PLPPR1: variants seen among roughly 807,000 people sequenced by gnomAD.
PLPPR1 encodes the protein phospholipid phosphatase related 1, also known as phospholipid phosphatase-related protein type 1.
Under a neutral mutation model 33.1 loss-of-function variants are expected in PLPPR1, and 10 were observed. The observed-to-expected ratio is 0.30, with a 90% CI of 0.19 to 0.51. PLPPR1 has a LOEUF of 0.51. Ranked by LOEUF, PLPPR1 falls within the 20% of genes least tolerant of loss-of-function variation. The pLI is 0.97. For synonymous variants in PLPPR1, 151 were observed against 151.0 expected (o/e 1.00, Z 0.00); for missense variants, 304 against 408.1 (o/e 0.74, Z 2.20).
intron 1 of PLPPR1, among the ~76,000 whole-genome samples, chr9:101,034,275 A>G (rs888538184): frequency 2.0e-5 from 3 of 152,090 alleles, no homozygotes; most frequent in African/African-American, 4.8e-5. Context: ...AGAGCATGCA[A>G]AGATATATTT....
chr9:101,317,393 G>A lies in PLPPR1; in HGVS notation c.842G>A (p.Gly281Glu), dbSNP rs1324816491. 1.9e-6 allele frequency: 3 copies of A among 1,613,872 alleles called. No individual in the cohort carries two copies. The African/African-American group carries it at 4.0e-5, about 22-fold the overall frequency. ...LGMCVVHNFK[G>E]TQGSPSKPKP... ...ATGTGTGTGGTTCATAACTTTAAAGGAACGCAAGGATCTCCTTCCAAACCC... is the reference window on the plus strand; with the variant it reads ...ATGTGTGTGGTTCATAACTTTAAAGAAACGCAAGGATCTCCTTCCAAACCC... Residue 281 changes from glycine (G) to glutamate (E), a missense_variant, in exon 7 of 8, where the codon GGA (glycine) becomes GAA (glutamate). Transcript: ENST00000374874.
At chr9:101,219,264 A>G (rs1826873936) in intron 2 of PLPPR1, among the ~76,000 whole-genome samples, 1 of 152,210 alleles carries the variant, frequency 6.6e-6, no homozygotes, top group Admixed American at 6.5e-5. Flanking sequence ...GGTTACTTTA[A>G]GCAATTCTGC....
chr9:101,246,107 T>TAGATAGATAG (rs1564015131), intron 2 of PLPPR1, among the ~76,000 whole-genome samples: 2 of 98,348 alleles, frequency 2.0e-5, no homozygotes, highest in Admixed American at 1.1e-4. Context: ...TATATATATA[T>TAGATAGATAG]ATAGATAGAT....
chr9:101,078,352 C>G (rs530552158), intron 1 of PLPPR1, among the ~76,000 whole-genome samples: 2 of 151,674 alleles, frequency 1.3e-5, no homozygotes, highest in African/African-American at 4.8e-5. Context: ...ACCCTGGGGA[C>G]AGACAACGAT....
chr9:101,173,397 T>A (rs1564165589), intron 1 of PLPPR1, among the ~76,000 whole-genome samples: 1 of 152,182 alleles, frequency 6.6e-6, no homozygotes, highest in Non-Finnish European at 1.5e-5. Context: ...CAATTTCTTA[T>A]GTATTTTCAT....
At chr9:101,308,473 C>T (rs1446893797) in intron 4 of PLPPR1, among the ~76,000 whole-genome samples, 1 of 152,212 alleles carries the variant, frequency 6.6e-6, no homozygotes, top group African/African-American at 2.4e-5. Flanking sequence ...TTCCAGAATA[C>T]AGAAGTCTGA....
chr9:101,183,059 T>C (rs1014512080), intron 1 of PLPPR1, among the ~76,000 whole-genome samples: 6 of 151,756 alleles, frequency 4.0e-5, no homozygotes, highest in African/African-American at 9.7e-5. Flanking sequence ...TAAAATGATA[T>C]AGCTACTTTG....
chr9:101,283,465 A>G (rs1488565393), intron 3 of PLPPR1, among the ~76,000 whole-genome samples: 1 of 152,250 alleles, frequency 6.6e-6, no homozygotes, highest in African/African-American at 2.4e-5. Context: ...CACATGCAGA[A>G]GAGTAAAATT....
At chr9:101,271,054 T>C (rs1052230920) in intron 3 of PLPPR1, among the ~76,000 whole-genome samples, 1 of 152,186 alleles carries the variant, frequency 6.6e-6, no homozygotes, top group Non-Finnish European at 1.5e-5. Flanking sequence ...ATTTTGAAGA[T>C]AAATAATATG....
intron 6 of PLPPR1, among the ~76,000 whole-genome samples, chr9:101,313,205 C>T (rs1828992141): frequency 1.3e-5 from 2 of 152,204 alleles, no homozygotes; most frequent in African/African-American, 4.8e-5. Flanking sequence ...AGAATTGCCC[C>T]TAGAAGTACA....
chr9:101,282,137 C>T (rs1378091742), intron 3 of PLPPR1, among the ~76,000 whole-genome samples: 1 of 152,096 alleles, frequency 6.6e-6, no homozygotes, highest in East Asian at 1.9e-4. Context: ...GTCAACATTC[C>T]TGATGAACAT....
chr9:101,123,930 G>A (rs1831209822), intron 1 of PLPPR1, among the ~76,000 whole-genome samples: 1 of 152,128 alleles, frequency 6.6e-6, no homozygotes, highest in Non-Finnish European at 1.5e-5. Flanking sequence ...CTGGACCTCA[G>A]ACATGTTCCA....
chr9:101,125,166 C>T (rs1831229008), intron 1 of PLPPR1, among the ~76,000 whole-genome samples: 1 of 151,508 alleles, frequency 6.6e-6, no homozygotes, highest in Non-Finnish European at 1.5e-5. Flanking sequence ...CTCTTTAGGG[C>T]ACTGACCTTA....
chr9:101,232,089 C>T (rs1827197737), intron 2 of PLPPR1, among the ~76,000 whole-genome samples: 2 of 152,082 alleles, frequency 1.3e-5, no homozygotes, highest in Admixed American at 1.3e-4. Context: ...GGCCTAAGTG[C>T]AGCCACAAGT....
rs531579369 is a variant in PLPPR1 at position 101,321,583 on chromosome 9, G to A, written c.946-2442G>A. 1.7e-4 allele frequency among the ~76,000 whole-genome samples: 26 copies of A among 152,132 alleles called. No individual in the cohort carries two copies. In the South Asian group the frequency reaches 2.3e-3, roughly 13 times the overall value. On this transcript the variant is annotated intron_variant, in intron 7 of 7. Transcript: ENST00000374874. ...TTCTACACCCCGCCCCACTCACAATGTACATGAGCAATCAGCTGAGTGTTG... is the reference window on the plus strand; with the variant it reads ...TTCTACACCCCGCCCCACTCACAATATACATGAGCAATCAGCTGAGTGTTG...
chr9:101,226,819 G>T (rs991258722), intron 2 of PLPPR1, among the ~76,000 whole-genome samples: 7 of 152,110 alleles, frequency 4.6e-5, no homozygotes, highest in African/African-American at 1.7e-4. Flanking sequence ...AAGAGAAGAG[G>T]CATGTCCTTG....
intron 2 of PLPPR1, among the ~76,000 whole-genome samples, chr9:101,201,959 C>T (rs1365377648): frequency 2.0e-5 from 3 of 152,080 alleles, no homozygotes; most frequent in Non-Finnish European, 4.4e-5. Context: ...TTGTTTGCTT[C>T]CCACAGAAAT....
chr9:101,265,977 C>T (rs1827984738), intron 2 of PLPPR1, among the ~76,000 whole-genome samples: 1 of 151,402 alleles, frequency 6.6e-6, no homozygotes, highest in African/African-American at 2.4e-5. Flanking sequence ...GCCTGGGCGA[C>T]AGTGCGAGAC....
chr9:101,158,328 G>A (rs1045733588), intron 1 of PLPPR1, among the ~76,000 whole-genome samples: 2 of 152,152 alleles, frequency 1.3e-5, no homozygotes, highest in Non-Finnish European at 2.9e-5. Flanking sequence ...AGTGAGGAAA[G>A]ATTGTTTCCT....
Sources: gnomAD v4.1 joint callset for allele counts (sites outside exome capture counted in the v4.1 genomes callset) on GRCh38, gnomAD v4.1.1 for gene constraint, MANE v1.5 for transcripts, NCBI Gene and HGNC (gene_info 2026-07-23, HGNC 2026-07-21) for gene names.